The following ZNF26 variants were observed in gnomAD, a reference collection of about 807,000 sequenced individuals.
The protein encoded by ZNF26 is zinc finger protein 26.
Under a neutral mutation model 54.9 loss-of-function variants are expected in ZNF26, and 32 were observed. The ratio of observed to expected loss-of-function variants is 0.58; its 90% CI spans 0.44 to 0.78. The LOEUF is 0.78. Ranked by LOEUF, ZNF26 falls within the 30% of genes least tolerant of loss-of-function variation. ZNF26 has a pLI of 0.00. For synonymous variants in ZNF26, 221 were observed against 209.2 expected, an observed-to-expected ratio of 1.06 and a Z score of -0.49; for missense variants, 524 against 634.0, an observed-to-expected ratio of 0.83 and a Z score of 1.86.
intron 1 of ZNF26, among the ~76,000 whole-genome samples, chr12:132,996,303 C>T (rs1200920119): frequency 2.0e-5 from 3 of 152,274 alleles, no homozygotes; most frequent in East Asian, 1.9e-4. Context: ...CTGTCTGGGC[C>T]GAGCCCTTCC....
intron 1 of ZNF26, chr12:133,006,814 T>C (rs1593662976): frequency 4.0e-6 from 2 of 495,460 alleles, no homozygotes; most frequent in Non-Finnish European, 3.7e-6. Flanking sequence ...AGGCTGGTCT[T>C]GAACTCCTGC....
At chr12:133,003,277 A>T (rs1953258142) in intron 1 of ZNF26, among the ~76,000 whole-genome samples, 2 of 135,510 alleles carry the variant, frequency 1.5e-5, no homozygotes, top group Non-Finnish European at 3.1e-5. Context: ...TTTTTTTGAG[A>T]TGGAGTCTCG....
At chr12:132,993,079 C>T (rs1386223917) in intron 1 of ZNF26, among the ~76,000 whole-genome samples, 14 of 141,562 alleles carry the variant, frequency 9.9e-5, no homozygotes, top group Non-Finnish European at 2.1e-4. Flanking sequence ...GGCTGGAGTG[C>T]AGTGGTGCGA....
In ZNF26 at chr12:133,011,565, A is replaced by G; in HGVS notation, c.*84A>G. ...CAGGATTTACAAGCAGGAGGCCCTAAAATTACACTCATGTCAAAAATCAGA... is the reference window on the plus strand; with the variant it reads ...CAGGATTTACAAGCAGGAGGCCCTAGAATTACACTCATGTCAAAAATCAGA... On this transcript the variant is annotated 3_prime_UTR_variant, in exon 4 of 4. Coordinates refer to ENST00000328654, the MANE Select transcript of ZNF26 (RefSeq NM_019591.4). 7.3e-7 allele frequency: 1 copy of G among 1,369,484 alleles called. No homozygotes were observed. The highest frequency in any genetic ancestry group is 9.7e-7 in the Non-Finnish European group (1 of 1,034,116). The allele number at this position is 1,369,484 out of a possible 1,614,324, so 84.8% of individuals were successfully genotyped here. A position where few individuals can be genotyped will look rare whatever the true frequency, so the allele number is the denominator to read the frequency against.
intron 1 of ZNF26, 111 bp downstream of exon 1, chr12:132,986,984 C>A: frequency 2.4e-6 from 3 of 1,246,338 alleles, no homozygotes; most frequent in Non-Finnish European, 3.4e-6. Flanking sequence ...TAATTGTGTG[C>A]GTAGTTTACT....
At chr12:133,006,439 C>T in intron 1 of ZNF26, 1 of 256,272 alleles carries the variant, frequency 3.9e-6, no homozygotes, top group Non-Finnish European at 6.1e-6. Flanking sequence ...TTACCAAGGA[C>T]TCAGAACACC....
At chr12:133,007,403 C>T (rs1953355025) in intron 2 of ZNF26, 34 bp from the exon 3 acceptor site, 4 of 1,571,556 alleles carry the variant, frequency 2.5e-6, no homozygotes, top group African/African-American at 1.3e-5. Context: ...CCCTAACAGC[C>T]TGGTCCCCAC....
rs1953625828 is a variant in ZNF26, at chr12:133,020,462, T to G, written c.*8981T>G. On this transcript the variant is annotated 3_prime_UTR_variant, in exon 4 of 4. Coordinates refer to ENST00000328654, the MANE Select transcript of ZNF26 (RefSeq NM_019591.4). ...GATAATATTTATAATATATTTACAT[T>G]TTGTTTATATATTTATATTTTGCCT... 6.6e-6 allele frequency: 1 copy of G among 151,812 alleles called. No individual in the cohort carries two copies. The highest frequency in any genetic ancestry group is 1.5e-5 in the Non-Finnish European group (1 of 67,986). 9.4% of individuals were successfully genotyped at this position (151,812 alleles called of 1,614,324 possible). A position where few individuals can be genotyped will look rare whatever the true frequency, so the allele number is the denominator to read the frequency against.
In ZNF26 at chr12:133,025,003, T is replaced by C. The variant is rs1303275789; in HGVS notation, c.*13522T>C. Reference sequence around the variant, plus strand: ...GAAGGAGGTTGAGAAGGATACTCACTTGCAAACATGGTCACATTTTATGAA... The same window carrying C: ...GAAGGAGGTTGAGAAGGATACTCACCTGCAAACATGGTCACATTTTATGAA... On this transcript the variant is annotated 3_prime_UTR_variant, in exon 4 of 4. Coordinates refer to ENST00000328654, the MANE Select transcript of ZNF26 (RefSeq NM_019591.4). The C allele has an allele frequency of 6.6e-6, 1 of 152,196 alleles. No individual in the cohort carries two copies. Among genetic ancestry groups the C allele is most frequent in the Admixed American group, 6.5e-5 (1 of 15,280 alleles). 9.4% of individuals were successfully genotyped at this position (152,196 alleles called of 1,614,324 possible). A position where few individuals can be genotyped will look rare whatever the true frequency, so the allele number is the denominator to read the frequency against.
chr12:133,010,193 G>A lies in ZNF26; in HGVS notation c.314G>A (p.Ser105Asn). 1 of 1,613,094 alleles carries A rather than the reference G, an allele frequency of 6.2e-7. No individual in the cohort carries two copies. The highest frequency in any genetic ancestry group is 1.1e-5 in the South Asian group (1 of 90,688). Reference sequence around the variant, plus strand: ...GATGAGCTTGAGAGTATTGAAAGAAGCTATGCTTGTAGTGTGTTGGGAAGA... The same window carrying A: ...GATGAGCTTGAGAGTATTGAAAGAAACTATGCTTGTAGTGTGTTGGGAAGA... Reference protein sequence around the residue: ...NQDELESIERSYACSVLGRLN... With the variant: ...NQDELESIERNYACSVLGRLN... The change falls in exon 4 of 4, where the codon AGC becomes AAC. Residue 105 changes from serine to asparagine, a missense_variant. Ser to Asn is a conservative substitution (Grantham distance 46, BLOSUM62 1). Transcript: ENST00000328654.
At chr12:132,999,327 T>C (rs999011211) in intron 1 of ZNF26, among the ~76,000 whole-genome samples, 2 of 152,204 alleles carry the variant, frequency 1.3e-5, no homozygotes, top group African/African-American at 2.4e-5. Flanking sequence ...CGATCTCAGC[T>C]CACTGCCAAC....
Position 133,001,016 on chromosome 12 carries a change from C to T in ZNF26, c.34-6026C>T, listed in dbSNP as rs1430608382. Reference sequence around the variant, plus strand: ...CCCCAGAAGCAGCCACTTTGGGCTCCGTTTCGTCTTCTGCTGTCGACCTCC... The same window carrying T: ...CCCCAGAAGCAGCCACTTTGGGCTCTGTTTCGTCTTCTGCTGTCGACCTCC... On this transcript the variant is annotated intron_variant, in intron 1 of 3. Coordinates refer to ENST00000328654, the MANE Select transcript of ZNF26 (RefSeq NM_019591.4). This position sits in a 1 kb window ranked among gnomAD's most constrained non-coding sequence, Gnocchi z 4.7. 5.9e-5 allele frequency among the ~76,000 whole-genome samples: 9 copies of T among 152,282 alleles called. No individual in the cohort carries two copies. In the East Asian group the frequency reaches 1.2e-3, roughly 20 times the overall value.
chr12:132,991,907 G>T (rs912514209), intron 1 of ZNF26, among the ~76,000 whole-genome samples: 4 of 152,082 alleles, frequency 2.6e-5, no homozygotes, highest in Non-Finnish European at 5.9e-5. Flanking sequence ...CAGCACTCTG[G>T]GAGGCTGAGG....
rs1383406912 is a variant in ZNF26 at position 133,011,196 on chromosome 12, A to T, written c.1317A>T (p.Ser439=). ...SLCERAFCGK[S]QLIIHQRTHS... Reference sequence around the variant, plus strand: ...GTGAGAGAGCCTTTTGTGGAAAATCACAGCTGATTATACATCAGAGAACTC... The same window carrying T: ...GTGAGAGAGCCTTTTGTGGAAAATCTCAGCTGATTATACATCAGAGAACTC... Residue 439 remains serine, a synonymous_variant, in exon 4 of 4, where the codon TCA becomes TCT. Transcript: ENST00000328654. 1 of 1,614,072 alleles carries T rather than the reference A, an allele frequency of 6.2e-7. No homozygotes were observed. Among genetic ancestry groups the T allele is most frequent in the Non-Finnish European group, 8.5e-7 (1 of 1,180,036 alleles).
rs954400428 is a variant in ZNF26 at position 133,018,608 on chromosome 12, C to T, written c.*7127C>T. The T allele has an allele frequency of 6.6e-6, 1 of 151,932 alleles. No individual in the cohort carries two copies. Among genetic ancestry groups the T allele is most frequent in the Non-Finnish European group, 1.5e-5 (1 of 67,960 alleles). 9.4% of individuals were successfully genotyped at this position (151,932 alleles called of 1,614,324 possible). A position where few individuals can be genotyped will look rare whatever the true frequency, so the allele number is the denominator to read the frequency against. ...CAAAAGATACATGAGACATAAAATA[C>T]AAAAGGGAAAGCAGCATATGTAAAT... On this transcript the variant is annotated 3_prime_UTR_variant, in exon 4 of 4. Coordinates refer to ENST00000328654, the MANE Select transcript of ZNF26 (RefSeq NM_019591.4).
chr12:132,990,816 G>A (rs1333657689), intron 1 of ZNF26, among the ~76,000 whole-genome samples: 3 of 152,098 alleles, frequency 2.0e-5, no homozygotes, highest in Middle Eastern at 3.2e-3. Context: ...CATGAAATGT[G>A]TGGACGTAGA....
At chr12:133,006,968 C>T in intron 1 of ZNF26, 74 bp from the exon 2 acceptor site, 3 of 1,526,414 alleles carry the variant, frequency 2.0e-6, no homozygotes, top group Non-Finnish European at 2.7e-6. Flanking sequence ...TTTATCCCTT[C>T]CCAGTTCCTC....
Position 132,986,837 on chromosome 12 carries a change from G to C in ZNF26, c.-4G>C. On this transcript the variant is annotated 5_prime_UTR_variant, in exon 1 of 4. Transcript: ENST00000328654. Reference sequence around the variant, plus strand: ...GCAGGCAGCGCGCGAACGTGGGCGTGGGGATGGCCACCAGTTTCCGGACAG... The same window carrying C: ...GCAGGCAGCGCGCGAACGTGGGCGTCGGGATGGCCACCAGTTTCCGGACAG... The C allele has an allele frequency of 5.6e-6, 9 of 1,605,528 alleles. No individual in the cohort carries two copies. The highest frequency in any genetic ancestry group is 5.1e-5 in the Admixed American group (3 of 58,682).
In ZNF26 at chr12:133,018,423, A is replaced by G. The variant is rs1953595693; in HGVS notation, c.*6942A>G. On this transcript the variant is annotated 3_prime_UTR_variant, in exon 4 of 4. Coordinates refer to ENST00000328654, the MANE Select transcript of ZNF26 (RefSeq NM_019591.4). The stretch of plus-strand genomic sequence containing the variant: ...AGTCTTATTGGAATTAAGGTAGTAT[A>G]AATCTGAAGTAGACTCTGATAAGTT... The G allele has an allele frequency of 6.6e-6, 1 of 152,244 alleles. No individual in the cohort carries two copies. The highest frequency in any genetic ancestry group is 1.9e-4 in the East Asian group (1 of 5,200). The allele number at this position is 152,244 out of a possible 1,614,324, so 9.4% of individuals were successfully genotyped here. A position where few individuals can be genotyped will look rare whatever the true frequency, so the allele number is the denominator to read the frequency against.
Sources: gnomAD v4.1 joint callset for allele counts (sites outside exome capture counted in the v4.1 genomes callset) on GRCh38, gnomAD v4.1.1 for gene constraint, Gnocchi (gnomAD v3.1) non-coding constraint, MANE v1.5 for transcripts, NCBI Gene and HGNC (gene_info 2026-07-23, HGNC 2026-07-21) for gene names.